RYR2: variants seen among roughly 807,000 people sequenced by gnomAD.
The protein encoded by RYR2 is ryanodine receptor 2, also known as cardiac muscle ryanodine receptor-calcium release channel.
In RYR2, 227 loss-of-function variants were observed where a neutral mutation model predicts 601.1. The ratio of observed to expected loss-of-function variants is 0.38; its 90% CI spans 0.34 to 0.42. The LOEUF is 0.42. RYR2 is among the 10% of genes least tolerant of loss of function. The probability of loss-of-function intolerance (pLI) is 1.00; values close to 1 mark genes in which losing one functional copy is unlikely to be tolerated. For missense variants in RYR2, 4,646 were observed against 6,156.5 expected (o/e 0.75, Z 8.21); for synonymous variants, 2,223 against 2,175.1 (o/e 1.02, Z -0.61).
At chr1:237,478,170 C>T (rs1447779701) in intron 17 of RYR2, among the ~76,000 whole-genome samples, 4 of 152,160 alleles carry the variant, frequency 2.6e-5, no homozygotes, top group Admixed American at 2.6e-4. Flanking sequence ...AATGGCAGCT[C>T]ATTTTAAAAT....
At chr1:237,602,553 T>G (rs1559095996) in intron 35 of RYR2, among the ~76,000 whole-genome samples, 5 of 152,200 alleles carry the variant, frequency 3.3e-5, no homozygotes, top group African/African-American at 2.4e-5. Context: ...TTACTAACTG[T>G]AAAATAGAAG....
In RYR2 at chr1:237,501,219, G is replaced by A. The variant is rs578026872; in HGVS notation, c.2396+316G>A. Among the ~76,000 whole-genome samples, 280 of 151,162 alleles carry A rather than the reference G, an allele frequency of 1.9e-3. 2 individuals carry two copies. The highest frequency in any genetic ancestry group is 6.5e-3 in the African/African-American group (266 of 41,118). On this transcript the variant is annotated intron_variant, in intron 21 of 104. Transcript: ENST00000366574. ...CATTTATTTAGATGAAATGAGCAAG[G>A]CTGTTTTAAAAAATACTGCTTATTT...
chr1:237,297,926 A>ATTTT (rs71661539), intron 2 of RYR2, among the ~76,000 whole-genome samples: 14,506 of 133,212 alleles, frequency 0.11, 1,583 homozygotes, highest in African/African-American at 0.26. Flanking sequence ...AATTTTTTGT[A>ATTTT]TTTTTTTTTT....
In RYR2 at chr1:237,593,418, C is replaced by T. The variant is rs1241760639; in HGVS notation, c.4276-58C>T. On this transcript the variant is annotated intron_variant, in intron 32 of 104. Transcript: ENST00000366574. ...CTTAGACACAGTTAGGATTGCAAAT[C>T]CAAGTTTTGTTTTGTTTAGTTTTAC... 2 of 1,518,376 alleles carry T rather than the reference C, an allele frequency of 1.3e-6. 1 individual carries two copies. Among genetic ancestry groups the T allele is most frequent in the Non-Finnish European group, 1.8e-6 (2 of 1,126,666 alleles). 94.1% of individuals were successfully genotyped at this position (1,518,376 alleles called of 1,614,324 possible). A position where few individuals can be genotyped will look rare whatever the true frequency, so the allele number is the denominator to read the frequency against.
chr1:237,807,742 A>G (rs1446525060), intron 99 of RYR2, among the ~76,000 whole-genome samples: 1 of 152,244 alleles, frequency 6.6e-6, no homozygotes, highest in African/African-American at 2.4e-5. Context: ...CTTCATTTAT[A>G]GAAATGAATG....
intron 80 of RYR2, chr1:237,755,057 G>A (rs983971021): frequency 1.2e-5 from 15 of 1,286,578 alleles, no homozygotes; most frequent in African/African-American, 7.6e-5. Context: ...TTTTGTTTTC[G>A]CAGCACGATA....
intron 3 of RYR2, among the ~76,000 whole-genome samples, chr1:237,355,743 A>T (rs886656036): frequency 6.6e-6 from 1 of 152,134 alleles, no homozygotes. Context: ...TTCCAGCCTA[A>T]TGTCTTTTTG....
At chr1:237,302,252 A>G (rs1406514732) in intron 2 of RYR2, among the ~76,000 whole-genome samples, 1 of 152,204 alleles carries the variant, frequency 6.6e-6, no homozygotes, top group Non-Finnish European at 1.5e-5. Context: ...ACACTGAATT[A>G]AAAATGGGAA....
At chr1:237,734,918 T>G (rs1323024241) in intron 79 of RYR2, among the ~76,000 whole-genome samples, 2 of 151,726 alleles carry the variant, frequency 1.3e-5, no homozygotes, top group Non-Finnish European at 2.9e-5. Flanking sequence ...GCCGTAGGAG[T>G]AGATGATCTT....
chr1:237,125,212 G>T (rs972256575), intron 1 of RYR2, among the ~76,000 whole-genome samples: 7 of 152,116 alleles, frequency 4.6e-5, no homozygotes, highest in Admixed American at 3.9e-4. Context: ...TGCTTACTTG[G>T]TCACTGTGGA....
At chr1:237,308,090 C>T (rs1359977515) in intron 2 of RYR2, among the ~76,000 whole-genome samples, 2 of 152,094 alleles carry the variant, frequency 1.3e-5, no homozygotes, top group Non-Finnish European at 2.9e-5. Context: ...TTCCTACCCT[C>T]TAGATGTTTA....
At chr1:237,456,967 C>T (rs554828345) in intron 16 of RYR2, among the ~76,000 whole-genome samples, 126 of 152,178 alleles carry the variant, frequency 8.3e-4, no homozygotes, top group African/African-American at 2.8e-3. Flanking sequence ...ATAATAGCTA[C>T]AGCAATTTTA....
intron 12 of RYR2, among the ~76,000 whole-genome samples, chr1:237,431,653 A>G (rs1042316597): frequency 2.0e-5 from 3 of 152,162 alleles, no homozygotes; most frequent in Non-Finnish European, 4.4e-5. Context: ...ATTTCTATAT[A>G]TTGCTGACTA....
At chr1:237,446,477 A>C (rs1708347378) in intron 14 of RYR2, among the ~76,000 whole-genome samples, 1 of 152,156 alleles carries the variant, frequency 6.6e-6, no homozygotes, top group Non-Finnish European at 1.5e-5. Flanking sequence ...CATAAGTTGC[A>C]AACCTTTTTA....
At chr1:237,401,856 A>C (rs1703378577) in intron 10 of RYR2, among the ~76,000 whole-genome samples, 1 of 152,160 alleles carries the variant, frequency 6.6e-6, no homozygotes, top group Admixed American at 6.5e-5. Flanking sequence ...ACCATGAACC[A>C]CATCATTAGC....
chr1:237,776,572 A>T (rs1179456351), intron 87 of RYR2, among the ~76,000 whole-genome samples: 1 of 152,112 alleles, frequency 6.6e-6, no homozygotes, highest in Admixed American at 6.6e-5. Context: ...AAGAACTCCC[A>T]TCTGGATGTT....
intron 16 of RYR2, among the ~76,000 whole-genome samples, chr1:237,464,280 T>C (rs533928309): frequency 3.3e-5 from 5 of 152,174 alleles, no homozygotes; most frequent in Non-Finnish European, 7.3e-5. Context: ...CTTCCGTGCT[T>C]TTTTATTGTC....
intron 100 of RYR2, among the ~76,000 whole-genome samples, chr1:237,811,103 T>C (rs1340928505): frequency 1.3e-5 from 2 of 151,956 alleles, no homozygotes; most frequent in African/African-American, 4.8e-5. Flanking sequence ...TTTTTTATTT[T>C]TAAAAGCCTA....
chr1:237,748,002 A>C (rs188751329), intron 80 of RYR2, among the ~76,000 whole-genome samples: 1 of 152,302 alleles, frequency 6.6e-6, no homozygotes, highest in East Asian at 1.9e-4. Flanking sequence ...CAATCTGCCA[A>C]CTACATTTTT....
Sources: gnomAD v4.1 joint callset for allele counts (sites outside exome capture counted in the v4.1 genomes callset) on GRCh38, gnomAD v4.1.1 for gene constraint, MANE v1.5 for transcripts, NCBI Gene and HGNC (gene_info 2026-07-23, HGNC 2026-07-21) for gene names.